Variants in ADAMTS18 observed in about 807,000 individuals in gnomAD.
ADAMTS18 encodes the protein A disintegrin and metalloproteinase with thrombospondin motifs 18.
ADAMTS18 carries 157 observed loss-of-function variants against 165.9 expected under a neutral mutation model. The observed-to-expected ratio is 0.95, with a 90% CI of 0.83 to 1.08. The LOEUF (loss-of-function observed/expected upper bound fraction) is 1.08. Among genes scored for constraint, ADAMTS18 ranks in the 50% least tolerant of loss-of-function variants. The pLI, the probability that ADAMTS18 is intolerant of heterozygous loss-of-function variation, is 0.00. For synonymous variants in ADAMTS18, 782 were observed against 578.2 expected (o/e 1.35, Z -5.06); for missense variants, 2,040 against 1,534.0 (o/e 1.33, Z -5.51).
At chr16:77,288,487 C>G (rs1230629792) in intron 22 of ADAMTS18, among the ~76,000 whole-genome samples, 1 of 151,976 alleles carries the variant, frequency 6.6e-6, no homozygotes, top group Non-Finnish European at 1.5e-5. Flanking sequence ...CAGATTACTT[C>G]AAATAGTGAA....
chr16:77,331,598 G>A (rs1411734080), intron 12 of ADAMTS18, among the ~76,000 whole-genome samples: 1 of 152,128 alleles, frequency 6.6e-6, no homozygotes, highest in Non-Finnish European at 1.5e-5. Context: ...GTCCCAATCA[G>A]AGATTATTTT....
chr16:77,321,251 G>T (rs1392718179), intron 14 of ADAMTS18, 49 bp from the exon 15 acceptor site: 6 of 1,611,646 alleles, frequency 3.7e-6, no homozygotes, highest in South Asian at 2.2e-5. Context: ...AGAGAAGCCA[G>T]AGGCTGGGAA....
intron 4 of ADAMTS18, 128 bp downstream of exon 4, chr16:77,367,313 G>A (rs1567517281): frequency 1.0e-6 from 1 of 980,978 alleles, no homozygotes; most frequent in East Asian, 2.5e-5. Context: ...ATAATTACTG[G>A]TCCTACACCA....
At chr16:77,291,766 G>T (rs79948151) in intron 20 of ADAMTS18, among the ~76,000 whole-genome samples, 2,433 of 152,302 alleles carry the variant, frequency 0.016, 38 homozygotes, top group African/African-American at 0.037. Context: ...GGTGTGAGAT[G>T]GAGTCCAGGA....
intron 11 of ADAMTS18, among the ~76,000 whole-genome samples, chr16:77,340,343 T>G (rs2144685322): frequency 6.6e-6 from 1 of 152,014 alleles, no homozygotes; most frequent in African/African-American, 2.4e-5. Flanking sequence ...CCCAGCAAAT[T>G]TTTGTATTTT....
At chr16:77,383,470 C>T (rs925613563) in intron 3 of ADAMTS18, among the ~76,000 whole-genome samples, 1 of 151,978 alleles carries the variant, frequency 6.6e-6, no homozygotes, top group Non-Finnish European at 1.5e-5. Flanking sequence ...TTTTCATTTG[C>T]TGTTTCCTGT....
intron 3 of ADAMTS18, among the ~76,000 whole-genome samples, chr16:77,426,001 G>T (rs11644995): frequency 1.3e-5 from 2 of 151,956 alleles, no homozygotes; most frequent in African/African-American, 4.8e-5. Context: ...GGCCGAGATC[G>T]CTGCACTCCA....
At position 77,291,275 on chromosome 16, in the gene ADAMTS18, C is replaced by T. The variant is rs753902193; in HGVS notation, c.3393G>A (p.Pro1131=). The T allele has an allele frequency of 1.4e-5, 22 of 1,613,920 alleles. No individual in the cohort carries two copies. Among genetic ancestry groups the T allele is most frequent in the African/African-American group, 2.7e-5 (2 of 74,930 alleles). Residue 1131 remains proline (P), a synonymous_variant, in exon 21 of 23, where the codon CCG becomes CCA. Transcript: ENST00000282849. ...YNMVAGWYSL[P]WQQCTVTCGG... Reference sequence around the variant, plus strand: ...ATCGGCCTGTACCCACCTGCTGCCACGGCAATGAATACCATCCAGCTACCA... The same window carrying T: ...ATCGGCCTGTACCCACCTGCTGCCATGGCAATGAATACCATCCAGCTACCA...
chr16:77,338,402 A>AT (rs1236093481), intron 11 of ADAMTS18, among the ~76,000 whole-genome samples: 5 of 151,800 alleles, frequency 3.3e-5, no homozygotes, highest in Non-Finnish European at 4.4e-5. Flanking sequence ...TGCTCAGGTA[A>AT]TTTTTTGTAT....
chr16:77,293,290 C>T, intron 19 of ADAMTS18, 32 bp from the exon 20 acceptor site: 2 of 1,587,730 alleles, frequency 1.3e-6, no homozygotes, highest in Non-Finnish European at 1.7e-6. Context: ...TATTTGCATT[C>T]CCATTAGGTT....
chr16:77,365,798 G>C (rs1369384689), intron 4 of ADAMTS18, among the ~76,000 whole-genome samples: 1 of 152,220 alleles, frequency 6.6e-6, no homozygotes, highest in Non-Finnish European at 1.5e-5. Flanking sequence ...GCTCCCTACA[G>C]AGTAAAATTA....
At chr16:77,392,074 G>C (rs1206380976) in intron 3 of ADAMTS18, among the ~76,000 whole-genome samples, 1 of 152,150 alleles carries the variant, frequency 6.6e-6, no homozygotes. Context: ...ACAACACCAA[G>C]ACAATCATGT....
intron 3 of ADAMTS18, among the ~76,000 whole-genome samples, chr16:77,417,628 T>C (rs2057547689): frequency 6.6e-6 from 1 of 152,236 alleles, no homozygotes; most frequent in Non-Finnish European, 1.5e-5. Context: ...CCTCTTCAAG[T>C]ATGGCGACTA....
chr16:77,420,806 A>G (rs2057592186), intron 3 of ADAMTS18, among the ~76,000 whole-genome samples: 1 of 152,198 alleles, frequency 6.6e-6, no homozygotes, highest in African/African-American at 2.4e-5. Flanking sequence ...GGGGAAGAAA[A>G]GACTGCATGC....
In ADAMTS18 at chr16:77,355,987, C is replaced by G; in HGVS notation, c.1413G>C (p.Val471=). The change falls in exon 9 of 23, where the codon GTG becomes GTC. Residue 471 remains valine, a synonymous_variant. Transcript: ENST00000282849. ...GGCGGCTGCAGGAAGACCATGAAAA[C>G]ACTCCATTGTTTCCGGTCAGTGTGG... ...MSPTLTGNNG[V]FSWSSCSRQY... 6.2e-7 allele frequency: 1 copy of G among 1,614,078 alleles called. No homozygotes were observed. The highest frequency in any genetic ancestry group is 8.5e-7 in the Non-Finnish European group (1 of 1,179,984).
intron 16 of ADAMTS18, among the ~76,000 whole-genome samples, chr16:77,302,947 CAT>C (rs1227689787): frequency 2.0e-5 from 3 of 152,194 alleles, no homozygotes; most frequent in African/African-American, 7.2e-5. Flanking sequence ...AAAACAACCA[CAT>C]GTCAAGCTTC....
At chr16:77,347,362 T>C (rs1054371443) in intron 10 of ADAMTS18, among the ~76,000 whole-genome samples, 2 of 152,210 alleles carry the variant, frequency 1.3e-5, no homozygotes, top group Non-Finnish European at 2.9e-5. Context: ...TTTAACTTTC[T>C]ACATTGAAAC....
chr16:77,361,035 G>A (rs1474275555), intron 7 of ADAMTS18, among the ~76,000 whole-genome samples: 4 of 152,182 alleles, frequency 2.6e-5, no homozygotes, highest in South Asian at 2.1e-4. Context: ...GCAGTGAGCC[G>A]AAATCACGCC....
intron 16 of ADAMTS18, among the ~76,000 whole-genome samples, chr16:77,301,817 T>C (rs938617922): frequency 2.0e-5 from 3 of 152,332 alleles, no homozygotes; most frequent in Non-Finnish European, 4.4e-5. Context: ...CAAATCTCGA[T>C]GCCTCCTAGA....
Sources: gnomAD v4.1 joint callset for allele counts (sites outside exome capture counted in the v4.1 genomes callset) on GRCh38, gnomAD v4.1.1 for gene constraint, MANE v1.5 for transcripts, NCBI Gene and HGNC (gene_info 2026-07-23, HGNC 2026-07-21) for gene names.